Variants in PTBP3 observed in about 807,000 individuals in gnomAD.
PTBP3 encodes polypyrimidine tract binding protein 3.
PTBP3 carries 20 observed loss-of-function variants against 58.7 expected under a neutral mutation model. The ratio of observed to expected loss-of-function variants is 0.34; its 90% CI spans 0.24 to 0.50. PTBP3 has a LOEUF of 0.50. Ranked by LOEUF, PTBP3 falls within the 20% of genes least tolerant of loss-of-function variation. The pLI, the probability that PTBP3 is intolerant of heterozygous loss-of-function variation, is 0.98. For synonymous variants in PTBP3, 185 were observed against 219.8 expected (o/e 0.84, Z 1.40); for missense variants, 509 against 637.2 (o/e 0.80, Z 2.17).
the PTBP3 span, among the ~76,000 whole-genome samples, chr9:112,349,861 C>A: frequency 1.3e-4 from 2 of 15,092 alleles, no homozygotes; most frequent in Admixed American, 9.7e-4. Context: ...GAGACTCTGT[C>A]TCAAAAAAAA....
intron 5 of PTBP3, 48 bp from the exon 6 acceptor site, chr9:112,252,836 C>A (rs1404404243): frequency 1.9e-6 from 2 of 1,048,750 alleles, no homozygotes; most frequent in Admixed American, 4.2e-5. Flanking sequence ...AAGTATTAAA[C>A]TGATGTATCT....
intron 2 of PTBP3, among the ~76,000 whole-genome samples, chr9:112,288,785 G>A (rs1828249610): frequency 6.6e-6 from 1 of 152,160 alleles, no homozygotes; most frequent in African/African-American, 2.4e-5. Flanking sequence ...GCAGCTTTAA[G>A]CTATTGCTTA....
At chr9:112,239,796 A>G (rs1424362592) in intron 7 of PTBP3, among the ~76,000 whole-genome samples, 1 of 131,178 alleles carries the variant, frequency 7.6e-6, no homozygotes, top group Non-Finnish European at 1.6e-5. Flanking sequence ...GAGAGGAGGA[A>G]GAAGAAAAGG....
At chr9:112,232,261 T>G (rs1835275846) in intron 8 of PTBP3, 23 bp from the exon 9 acceptor site, 2 of 1,557,856 alleles carry the variant, frequency 1.3e-6, no homozygotes, top group African/African-American at 2.8e-5. Flanking sequence ...CCAAAAGCAT[T>G]TCATATTCTA....
intron 9 of PTBP3, 106 bp downstream of exon 9, chr9:112,231,991 GAA>G (rs1835246354): frequency 2.0e-6 from 1 of 507,204 alleles, no homozygotes; most frequent in African/African-American, 3.3e-5. Context: ...GAAGAGAAGA[GAA>G]GAGAAGAGAA....
chr9:112,355,946 C>CTTTCT, the PTBP3 span, among the ~76,000 whole-genome samples: 17 of 151,456 alleles, frequency 1.1e-4, 1 homozygote, highest in Admixed American at 2.6e-4. Flanking sequence ...CTTTTCTTTT[C>CTTTCT]TTTCTTTCTT....
At chr9:112,284,458 A>G (rs1828016882) in intron 2 of PTBP3, among the ~76,000 whole-genome samples, 1 of 152,172 alleles carries the variant, frequency 6.6e-6, no homozygotes, top group African/African-American at 2.4e-5. Context: ...CACTTGGGGA[A>G]GCCGAGGCAG....
At chr9:112,248,937 G>T (rs1835993249) in intron 7 of PTBP3, among the ~76,000 whole-genome samples, 1 of 152,124 alleles carries the variant, frequency 6.6e-6, no homozygotes, top group South Asian at 2.1e-4. Context: ...TACTGAGAAT[G>T]AATGAGCAAC....
At chr9:112,259,010 G>A (rs1210652440) in intron 5 of PTBP3, among the ~76,000 whole-genome samples, 3 of 152,076 alleles carry the variant, frequency 2.0e-5, no homozygotes. Context: ...GGAATGCAGT[G>A]GTACAATCTT....
intron 2 of PTBP3, among the ~76,000 whole-genome samples, chr9:112,287,716 C>T (rs140654050): frequency 6.6e-6 from 1 of 152,286 alleles, no homozygotes; most frequent in African/African-American, 2.4e-5. Flanking sequence ...TTGTAGAATA[C>T]AATGTGCTAT....
At chr9:112,377,614 T>G in the PTBP3 span, among the ~76,000 whole-genome samples, 1 of 152,204 alleles carries the variant, frequency 6.6e-6, no homozygotes. Flanking sequence ...TAATGTTGCA[T>G]ATAACCAAAA....
chr9:112,238,756 T>C (rs960351285), intron 7 of PTBP3, among the ~76,000 whole-genome samples: 1 of 152,168 alleles, frequency 6.6e-6, no homozygotes, highest in Non-Finnish European at 1.5e-5. Flanking sequence ...CAGAATGGTA[T>C]CTTTAATACG....
the PTBP3 span, among the ~76,000 whole-genome samples, chr9:112,354,748 C>T: frequency 2.3e-4 from 35 of 151,908 alleles, no homozygotes; most frequent in African/African-American, 8.0e-4. Flanking sequence ...AATTTGGGGG[C>T]CTGATTTTTA....
Position 112,223,312 on chromosome 9 carries a change from T to G in PTBP3, c.*539A>C, listed in dbSNP as rs1157830003. On this transcript the variant is annotated 3_prime_UTR_variant, in exon 14 of 14. Coordinates refer to ENST00000374257, the MANE Select transcript of PTBP3 (RefSeq NM_001163788.4). ...AATCTGCTTCCAACACAACTCAATG[T>G]GTTTATGCATAATAACCATCAATAT... 3.1e-6 allele frequency: 3 copies of G among 968,730 alleles called. No individual in the cohort carries two copies. The African/African-American group carries it at 5.3e-5, about 17-fold the overall frequency. The allele number at this position is 968,730 out of a possible 1,614,324, so 60.0% of individuals were successfully genotyped here. A position where few individuals can be genotyped will look rare whatever the true frequency, so the allele number is the denominator to read the frequency against.
chr9:112,309,215 T>C (rs1280300180), intron 1 of PTBP3, among the ~76,000 whole-genome samples: 1 of 152,068 alleles, frequency 6.6e-6, no homozygotes, highest in Non-Finnish European at 1.5e-5. Context: ...TTTTTTAAAT[T>C]AATAGCATCT....
rs991885641 is a variant in PTBP3 at position 112,221,862 on chromosome 9, T to C, written c.*1989A>G. 1.3e-5 allele frequency: 13 copies of C among 983,790 alleles called. No homozygotes were observed. The highest frequency in any genetic ancestry group is 6.1e-5 in the Admixed American group (1 of 16,262). The allele number at this position is 983,790 out of a possible 1,614,324, so 60.9% of individuals were successfully genotyped here. A position where few individuals can be genotyped will look rare whatever the true frequency, so the allele number is the denominator to read the frequency against. On this transcript the variant is annotated 3_prime_UTR_variant, in exon 14 of 14. Coordinates refer to ENST00000374257, the MANE Select transcript of PTBP3 (RefSeq NM_001163788.4). Reference sequence around the variant, plus strand: ...TTTCTTCTGTAAAAACCTCCCTATGTTCAAATTAATCACTGGAATACAGCA... The same window carrying C: ...TTTCTTCTGTAAAAACCTCCCTATGCTCAAATTAATCACTGGAATACAGCA...
chr9:112,338,239 A>G (rs1830591667), upstream of PTBP3, among the ~76,000 whole-genome samples: 1 of 152,234 alleles, frequency 6.6e-6, no homozygotes, highest in South Asian at 2.1e-4. Flanking sequence ...GTAATAAAAC[A>G]GTTCTGTGTC....
chr9:112,268,610 G>A (rs1316045352), intron 3 of PTBP3, among the ~76,000 whole-genome samples: 3 of 151,244 alleles, frequency 2.0e-5, no homozygotes, highest in Non-Finnish European at 4.4e-5. Flanking sequence ...GTGAGGGAGG[G>A]GCTGAGTAGG....
At chr9:112,299,723 C>CA (rs1433083107) in intron 1 of PTBP3, among the ~76,000 whole-genome samples, 2 of 152,172 alleles carry the variant, frequency 1.3e-5, no homozygotes, top group African/African-American at 2.4e-5. Flanking sequence ...TCCCTCCCCC[C>CA]ATTGACAACA....
Sources: gnomAD v4.1 joint callset for allele counts (sites outside exome capture counted in the v4.1 genomes callset) on GRCh38, gnomAD v4.1.1 for gene constraint, MANE v1.5 for transcripts, NCBI Gene and HGNC (gene_info 2026-07-23, HGNC 2026-07-21) for gene names.